CADPS: variants seen among roughly 807,000 people sequenced by gnomAD.
CADPS encodes the protein calcium-dependent secretion activator 1.
A neutral mutation model predicts 167.3 loss-of-function variants in CADPS; 57 were observed. The ratio of observed to expected loss-of-function variants is 0.34; its 90% CI spans 0.28 to 0.42. CADPS has a LOEUF of 0.42. Among genes scored for constraint, CADPS ranks in the 20% least tolerant of loss-of-function variants. The pLI is 1.00. For synonymous variants in CADPS, 676 were observed against 635.3 expected, an observed-to-expected ratio of 1.06 and a Z score of -0.96; for missense variants, 1,414 against 1,738.1, an observed-to-expected ratio of 0.81 and a Z score of 3.32.
chr3:62,750,653 T>C (rs2082498907), intron 3 of CADPS, among the ~76,000 whole-genome samples: 2 of 152,312 alleles, frequency 1.3e-5, no homozygotes, highest in South Asian at 4.1e-4. Context: ...TCCTATCCTT[T>C]AGAGATAAGC....
chr3:62,607,684 G>A (rs1055955273), intron 6 of CADPS, among the ~76,000 whole-genome samples: 3 of 152,134 alleles, frequency 2.0e-5, no homozygotes, highest in African/African-American at 4.8e-5. Flanking sequence ...AGGGGATTAC[G>A]GAAGCTGTTG....
At chr3:62,818,506 TG>T (rs1214491226) in intron 1 of CADPS, among the ~76,000 whole-genome samples, 3 of 152,164 alleles carry the variant, frequency 2.0e-5, no homozygotes. Flanking sequence ...ACTCCACACC[TG>T]TTTGAACAGC....
At chr3:62,729,333 G>A (rs1222742791) in intron 3 of CADPS, among the ~76,000 whole-genome samples, 1 of 151,860 alleles carries the variant, frequency 6.6e-6, no homozygotes, top group Non-Finnish European at 1.5e-5. Context: ...AAGAAAAATT[G>A]TCAGGGAGTG....
chr3:62,469,197 T>C (rs2060283834), intron 24 of CADPS, among the ~76,000 whole-genome samples: 2 of 152,178 alleles, frequency 1.3e-5, no homozygotes, highest in African/African-American at 4.8e-5. Flanking sequence ...GCAGCCCCTA[T>C]TCCTATTCAA....
At chr3:62,858,581 T>C (rs1390728352) in intron 1 of CADPS, among the ~76,000 whole-genome samples, 1 of 152,188 alleles carries the variant, frequency 6.6e-6, no homozygotes, top group African/African-American at 2.4e-5. Context: ...AATTGGGGAA[T>C]GAATAACAAT....
chr3:62,658,666 TC>T (rs2072359461), intron 4 of CADPS, among the ~76,000 whole-genome samples: 1 of 152,148 alleles, frequency 6.6e-6, no homozygotes, highest in Admixed American at 6.6e-5. Context: ...ATTGGGTACA[TC>T]TGGAGTGCTT....
intron 1 of CADPS, among the ~76,000 whole-genome samples, chr3:62,850,998 T>C (rs2078451087): frequency 1.4e-5 from 2 of 145,904 alleles, no homozygotes; most frequent in South Asian, 4.6e-4. Context: ...TTAGCTCCTC[T>C]TGTTGAATTG....
At chr3:62,620,953 G>A (rs1361208498) in intron 6 of CADPS, among the ~76,000 whole-genome samples, 1 of 152,174 alleles carries the variant, frequency 6.6e-6, no homozygotes, top group Non-Finnish European at 1.5e-5. Context: ...GAGTTTGGAA[G>A]CCCAGGTTCT....
chr3:62,760,980 G>A (rs752978379), intron 2 of CADPS, among the ~76,000 whole-genome samples: 1 of 152,132 alleles, frequency 6.6e-6, no homozygotes, highest in Admixed American at 6.5e-5. Flanking sequence ...CCAAGTGGTG[G>A]GTTGGGATCT....
At position 62,458,475 on chromosome 3, in the gene CADPS, CA is replaced by C. The variant is rs1304847367; in HGVS notation, c.3636+6891del. Among the ~76,000 whole-genome samples the C allele has an allele frequency of 6.6e-6, 1 of 152,050 alleles. No homozygotes were observed. The highest frequency in any genetic ancestry group is 1.9e-4 in the East Asian group (1 of 5,154). On this transcript the variant is annotated intron_variant, in intron 26 of 29. Coordinates refer to ENST00000383710, the MANE Select transcript of CADPS (RefSeq NM_003716.4). The surrounding 1 kb of genome is among the most constrained non-coding windows in gnomAD (Gnocchi z 4.6). Reference sequence around the variant, plus strand: ...TCCTGTTTGAAGCCATGTACCTATTCATTAGGTATTTCTTTTTTCTTTTTCT... The same window carrying C: ...TCCTGTTTGAAGCCATGTACCTATTCTTAGGTATTTCTTTTTTCTTTTTCT...
chr3:62,763,561 CAG>C (rs1164883100), intron 2 of CADPS, among the ~76,000 whole-genome samples: 2 of 152,116 alleles, frequency 1.3e-5, no homozygotes, highest in African/African-American at 4.8e-5. Flanking sequence ...CTGACTAAGA[CAG>C]GGGCCAACAG....
At chr3:62,511,078 C>T (rs1465354933) in intron 17 of CADPS, among the ~76,000 whole-genome samples, 2 of 152,108 alleles carry the variant, frequency 1.3e-5, no homozygotes, top group Non-Finnish European at 1.5e-5. Flanking sequence ...TTTGCATAAA[C>T]AGCCTTCAAT....
At chr3:62,531,815 A>G (rs1451353271) in intron 13 of CADPS, among the ~76,000 whole-genome samples, 3 of 152,170 alleles carry the variant, frequency 2.0e-5, no homozygotes, top group Non-Finnish European at 4.4e-5. Context: ...CAGTGTGGAA[A>G]TTTATTCCAT....
At chr3:62,657,982 GGCTTCTGGATAA>G (rs1486334480) in intron 4 of CADPS, among the ~76,000 whole-genome samples, 1 of 152,062 alleles carries the variant, frequency 6.6e-6, no homozygotes, top group Non-Finnish European at 1.5e-5. Context: ...GCTTCATATG[GGCTTCTGGATAA>G]GCTGCAGGGA....
chr3:62,575,993 G>A (rs930069704), intron 8 of CADPS, among the ~76,000 whole-genome samples: 1 of 152,142 alleles, frequency 6.6e-6, no homozygotes, highest in African/African-American at 2.4e-5. Flanking sequence ...AGTCAGCTCC[G>A]GCTCTGCGTT....
intron 2 of CADPS, among the ~76,000 whole-genome samples, chr3:62,754,587 C>G (rs999887776): frequency 6.6e-6 from 1 of 152,202 alleles, no homozygotes; most frequent in Non-Finnish European, 1.5e-5. Flanking sequence ...CTCCTGGGCT[C>G]AAGCCATCCT....
At chr3:62,585,128 T>G (rs2084312750) in intron 8 of CADPS, 57 bp downstream of exon 8, 1 of 1,538,952 alleles carries the variant, frequency 6.5e-7, no homozygotes, top group Admixed American at 1.8e-5. Context: ...TTTGTTTTCA[T>G]TTTGAGAAAT....
intron 1 of CADPS, among the ~76,000 whole-genome samples, chr3:62,785,772 A>G (rs1259441838): frequency 6.6e-6 from 1 of 152,214 alleles, no homozygotes; most frequent in African/African-American, 2.4e-5. Context: ...AATATTTGAT[A>G]TATGGATCTT....
chr3:62,526,109 G>C (rs2072124703), intron 13 of CADPS, among the ~76,000 whole-genome samples: 1 of 152,084 alleles, frequency 6.6e-6, no homozygotes, highest in Non-Finnish European at 1.5e-5. Context: ...ACTTACTTAG[G>C]AATCCTGGCA....
Sources: allele counts gnomAD v4.1 joint callset (sites outside exome capture counted in the v4.1 genomes callset), GRCh38; gene constraint gnomAD v4.1.1; non-coding constraint Gnocchi (gnomAD v3.1); transcripts MANE v1.5; gene names NCBI Gene and HGNC (gene_info 2026-07-23, HGNC 2026-07-21).